PRKN: variants seen among roughly 807,000 people sequenced by gnomAD.
PRKN encodes the protein E3 ubiquitin-protein ligase parkin.
A neutral mutation model predicts 59.5 loss-of-function variants in PRKN; 56 were observed. That is an observed-to-expected ratio of 0.94 (90% CI 0.76 to 1.18). The LOEUF (loss-of-function observed/expected upper bound fraction) is 1.18. PRKN is among the 50% of genes most tolerant of loss of function. The pLI, the probability that PRKN is intolerant of heterozygous loss-of-function variation, is 0.00. For missense variants in PRKN, 657 were observed against 596.4 expected (o/e 1.10, Z -1.06); for synonymous variants, 250 against 222.1 (o/e 1.13, Z -1.12).
intron 6 of PRKN, among the ~76,000 whole-genome samples, chr6:161,804,434 C>T (rs773627534): frequency 5.6e-4 from 85 of 152,170 alleles, no homozygotes; most frequent in Non-Finnish European, 1.0e-3. Flanking sequence ...AGGCTGGTGG[C>T]CTTCAGCTCT....
intron 6 of PRKN, among the ~76,000 whole-genome samples, chr6:161,787,385 A>C (rs755127247): frequency 9.9e-5 from 15 of 152,138 alleles, no homozygotes; most frequent in Non-Finnish European, 2.1e-4. Flanking sequence ...AACCTATCCA[A>C]GTCCTTCATA....
chr6:161,400,361 G>A lies in PRKN; in HGVS notation c.1084-13484C>T, dbSNP rs969619503. On this transcript the variant is annotated intron_variant, in intron 9 of 11. Transcript: ENST00000366898. This position sits in a 1 kb window ranked among gnomAD's most constrained non-coding sequence, Gnocchi z 4.2. ...TCACTCTTGTCACCCAGGCTGGAGT[G>A]CAATGGCACGATCTCCGCTCACTGC... Among the ~76,000 whole-genome samples the A allele has an allele frequency of 1.3e-5, 2 of 151,260 alleles. No homozygotes were observed. Among genetic ancestry groups the A allele is most frequent in the Non-Finnish European group, 2.9e-5 (2 of 67,916 alleles).
chr6:162,580,269 T>G (rs1222247566), intron 1 of PRKN, among the ~76,000 whole-genome samples: 1 of 151,906 alleles, frequency 6.6e-6, no homozygotes, highest in Non-Finnish European at 1.5e-5. Flanking sequence ...GAACCCTATC[T>G]CTACCAAAAA....
intron 4 of PRKN, among the ~76,000 whole-genome samples, chr6:162,114,496 T>C (rs1780581138): frequency 6.6e-6 from 1 of 151,966 alleles, no homozygotes; most frequent in Admixed American, 6.6e-5. Flanking sequence ...GGGAGTTCAC[T>C]CATGATTTGG....
At chr6:162,706,107 T>C (rs1371692444) in intron 1 of PRKN, among the ~76,000 whole-genome samples, 1 of 149,332 alleles carries the variant, frequency 6.7e-6, no homozygotes, top group Non-Finnish European at 1.5e-5. Flanking sequence ...GCATTTATTA[T>C]GTAGTTTCAA....
At chr6:162,478,767 A>G (rs1792151339) in intron 1 of PRKN, among the ~76,000 whole-genome samples, 2 of 152,318 alleles carry the variant, frequency 1.3e-5, no homozygotes, top group Middle Eastern at 6.8e-3. Flanking sequence ...CCGGCACAAC[A>G]TGTTTACTGA....
chr6:162,188,145 G>T (rs1425512787), intron 4 of PRKN, among the ~76,000 whole-genome samples: 1 of 152,102 alleles, frequency 6.6e-6, no homozygotes, highest in South Asian at 2.1e-4. Context: ...CCTTCCACCA[G>T]AAGTGTGAGG....
chr6:162,525,272 C>G (rs1778234228), intron 1 of PRKN, among the ~76,000 whole-genome samples: 1 of 152,102 alleles, frequency 6.6e-6, no homozygotes, highest in Non-Finnish European at 1.5e-5. Context: ...TAACCTCTTG[C>G]CAGGTGCTCT....
At chr6:161,734,647 T>A (rs550852391) in intron 7 of PRKN, among the ~76,000 whole-genome samples, 1 of 152,316 alleles carries the variant, frequency 6.6e-6, no homozygotes, top group African/African-American at 2.4e-5. Flanking sequence ...TAGAGGAAAT[T>A]TCTTGGCATA....
intron 7 of PRKN, among the ~76,000 whole-genome samples, chr6:161,679,994 T>A (rs1785256576): frequency 6.6e-6 from 1 of 152,016 alleles, no homozygotes; most frequent in Admixed American, 6.6e-5. Flanking sequence ...GACCTCATGA[T>A]CTGCCCGCCT....
At chr6:162,108,962 A>ACAG (rs1440506173) in intron 4 of PRKN, among the ~76,000 whole-genome samples, 2 of 152,220 alleles carry the variant, frequency 1.3e-5, no homozygotes, top group East Asian at 3.9e-4. Context: ...GTGGCGGTGT[A>ACAG]CAGCAGCAGC....
intron 7 of PRKN, among the ~76,000 whole-genome samples, chr6:161,753,282 G>T (rs541861947): frequency 2.0e-5 from 3 of 152,134 alleles, no homozygotes; most frequent in Non-Finnish European, 4.4e-5. Context: ...AGCCACCACC[G>T]AGGGAGAAGG....
chr6:162,454,197 G>A (rs552187905), intron 1 of PRKN, among the ~76,000 whole-genome samples: 2 of 152,306 alleles, frequency 1.3e-5, no homozygotes, highest in East Asian at 3.9e-4. Context: ...CCAACATATA[G>A]TGTAAAAATT....
chr6:162,351,085 G>A (rs1192990843), intron 2 of PRKN, among the ~76,000 whole-genome samples: 4 of 152,108 alleles, frequency 2.6e-5, no homozygotes, highest in Admixed American at 6.5e-5. Context: ...ATCTCTTCAG[G>A]AGGCTGAGAT....
chr6:162,331,069 C>T (rs750546211), intron 2 of PRKN, among the ~76,000 whole-genome samples: 7 of 152,094 alleles, frequency 4.6e-5, no homozygotes, highest in Non-Finnish European at 1.0e-4. Flanking sequence ...TGGCTCACAC[C>T]TGTAATCCCA....
chr6:161,800,677 G>A (rs886583353), intron 6 of PRKN, among the ~76,000 whole-genome samples: 17 of 152,160 alleles, frequency 1.1e-4, no homozygotes, highest in African/African-American at 4.1e-4. Flanking sequence ...GCTGTTGGGG[G>A]ACCATAGCTG....
intron 1 of PRKN, among the ~76,000 whole-genome samples, chr6:162,454,223 T>C (rs1790757208): frequency 6.6e-6 from 1 of 152,234 alleles, no homozygotes; most frequent in South Asian, 2.1e-4. Flanking sequence ...AATTATCACG[T>C]CAGTTGTGCC....
intron 1 of PRKN, among the ~76,000 whole-genome samples, chr6:162,498,447 T>C (rs1267913208): frequency 3.5e-5 from 4 of 114,502 alleles, no homozygotes; most frequent in African/African-American, 9.9e-5. Context: ...TTCTTTTTTT[T>C]TTTTTTTTTT....
In PRKN at chr6:162,334,048, A is replaced by G. The variant is rs146561764; in HGVS notation, c.172-71283T>C. On this transcript the variant is annotated intron_variant, in intron 2 of 11. Coordinates refer to ENST00000366898, the MANE Select transcript of PRKN (RefSeq NM_004562.3). Reference sequence around the variant, plus strand: ...TAAAGCAAGGCCCCAACTCCCTTCAATTCTACGAAGGCTGAGAGAGGTCAG... The same window carrying G: ...TAAAGCAAGGCCCCAACTCCCTTCAGTTCTACGAAGGCTGAGAGAGGTCAG... 5.3e-5 allele frequency among the ~76,000 whole-genome samples: 8 copies of G among 152,324 alleles called. No homozygotes were observed. In the East Asian group the frequency reaches 1.5e-3, roughly 29 times the overall value.
Sources: gnomAD v4.1 joint callset for allele counts (sites outside exome capture counted in the v4.1 genomes callset) on GRCh38, gnomAD v4.1.1 for gene constraint, Gnocchi (gnomAD v3.1) non-coding constraint, MANE v1.5 for transcripts, NCBI Gene and HGNC (gene_info 2026-07-23, HGNC 2026-07-21) for gene names.